The following B3GLCT variants were observed in gnomAD, a reference collection of about 807,000 sequenced individuals.
The protein encoded by B3GLCT is beta-1,3-glucosyltransferase.
A neutral mutation model predicts 63.4 loss-of-function variants in B3GLCT; 65 were observed. That is an observed-to-expected ratio of 1.03 (90% CI 0.84 to 1.26). The LOEUF is 1.26. B3GLCT is among the 50% of genes most tolerant of loss of function. The probability of loss-of-function intolerance (pLI) is 0.00; values close to 1 mark genes in which losing one functional copy is unlikely to be tolerated. For missense variants in B3GLCT, 577 were observed against 604.8 expected (o/e 0.95, Z 0.48); for synonymous variants, 233 against 219.2 (o/e 1.06, Z -0.55).
At chr13:31,207,296 T>TG (rs1335444938) in intron 1 of B3GLCT, among the ~76,000 whole-genome samples, 5 of 152,206 alleles carry the variant, frequency 3.3e-5, no homozygotes, top group South Asian at 2.1e-4. Flanking sequence ...AATTTTTTTT[T>TG]TTTGTTTGAA....
intron 1 of B3GLCT, 42 bp from the exon 2 acceptor site, chr13:31,215,006 TTGC>T (rs1429029475): frequency 6.6e-7 from 1 of 1,517,296 alleles, no homozygotes; most frequent in Admixed American, 1.7e-5. Context: ...TTAACCTGAA[TTGC>T]TAATTCTAAG....
intron 3 of B3GLCT, among the ~76,000 whole-genome samples, chr13:31,226,975 A>G (rs1870134740): frequency 6.6e-6 from 1 of 152,180 alleles, no homozygotes; most frequent in Non-Finnish European, 1.5e-5. Context: ...ATACCTTCAC[A>G]TGCTATGTGT....
chr13:31,308,741 C>T (rs1216913718), intron 12 of B3GLCT, among the ~76,000 whole-genome samples: 1 of 152,196 alleles, frequency 6.6e-6, no homozygotes, highest in Non-Finnish European at 1.5e-5. Context: ...AGTTCCTTTA[C>T]ACCATACCCT....
At chr13:31,317,015 A>G (rs1408595334) in intron 12 of B3GLCT, among the ~76,000 whole-genome samples, 1 of 152,224 alleles carries the variant, frequency 6.6e-6, no homozygotes, top group Non-Finnish European at 1.5e-5. Flanking sequence ...GAGGGAAACG[A>G]GCATGGTTGT....
In B3GLCT at chr13:31,244,918, CTCACCT is replaced by C. The variant is rs1871126956; in HGVS notation, c.271-2103_271-2098del. The stretch of plus-strand genomic sequence containing the variant: ...AGCACCTACTTTGTATTTTTGAGTA[CTCACCT>C]TTGGAGAGTGTTATTAACAAGGCAT... On this transcript the variant is annotated intron_variant, in intron 4 of 14. Transcript: ENST00000343307. Among the ~76,000 whole-genome samples the C allele has an allele frequency of 7.2e-5, 11 of 152,112 alleles. No homozygotes were observed. In the South Asian group the frequency reaches 2.3e-3, roughly 32 times the overall value.
At chr13:31,294,248 T>G (rs1488168697) in intron 12 of B3GLCT, among the ~76,000 whole-genome samples, 1 of 152,226 alleles carries the variant, frequency 6.6e-6, no homozygotes, top group African/African-American at 2.4e-5. Flanking sequence ...TAACATTTTT[T>G]CCTTCATTTC....
intron 3 of B3GLCT, among the ~76,000 whole-genome samples, chr13:31,225,114 C>T (rs1032859158): frequency 6.6e-6 from 1 of 152,176 alleles, no homozygotes; most frequent in African/African-American, 2.4e-5. Context: ...TTTATCTTCC[C>T]CTTTTAGCCT....
At chr13:31,201,245 C>T (rs1480228308) in intron 1 of B3GLCT, among the ~76,000 whole-genome samples, 1 of 152,140 alleles carries the variant, frequency 6.6e-6, no homozygotes, top group East Asian at 1.9e-4. Context: ...CCACCGGAAC[C>T]TTGACAGCCT....
chr13:31,269,063 C>T (rs373706917), intron 7 of B3GLCT, 151 bp from the exon 8 acceptor site: 1 of 611,206 alleles, frequency 1.6e-6, no homozygotes, highest in Non-Finnish European at 2.9e-6. Context: ...TGGGTTTTCA[C>T]AGTCCTTTCC....
intron 12 of B3GLCT, 96 bp from the exon 13 acceptor site, chr13:31,317,470 T>TC: frequency 7.1e-7 from 1 of 1,399,436 alleles, no homozygotes. Flanking sequence ...AGTTTAGTAT[T>TC]ACACAGTATA....
chr13:31,214,946 CT>C, intron 1 of B3GLCT, 104 bp from the exon 2 acceptor site: 1 of 1,126,552 alleles, frequency 8.9e-7, no homozygotes, highest in Non-Finnish European at 1.3e-6. Flanking sequence ...CAAAATATGT[CT>C]TGTTAAAGTA....
intron 3 of B3GLCT, among the ~76,000 whole-genome samples, chr13:31,224,768 A>G (rs1870008847): frequency 6.6e-6 from 1 of 152,016 alleles, no homozygotes; most frequent in Non-Finnish European, 1.5e-5. Flanking sequence ...TTTTTCCTCA[A>G]CTTTAAATCA....
At chr13:31,327,035 T>C (rs1341620793) in intron 14 of B3GLCT, among the ~76,000 whole-genome samples, 1 of 152,218 alleles carries the variant, frequency 6.6e-6, no homozygotes, top group African/African-American at 2.4e-5. Context: ...CCATTGCTTT[T>C]ACAGTAGTCC....
At chr13:31,281,437 G>C (rs890876988) in intron 10 of B3GLCT, among the ~76,000 whole-genome samples, 2 of 152,080 alleles carry the variant, frequency 1.3e-5, no homozygotes, top group Admixed American at 6.6e-5. Flanking sequence ...TTACTTAAAA[G>C]GTGAGGCTTG....
At chr13:31,311,377 C>G (rs1874699067) in intron 12 of B3GLCT, 1 of 152,306 alleles carries the variant, frequency 6.6e-6, no homozygotes, top group Non-Finnish European at 1.5e-5. Flanking sequence ...ATCCTGGATA[C>G]AGCGTTGAAT....
At chr13:31,277,040 G>T (rs1454784354) in intron 10 of B3GLCT, among the ~76,000 whole-genome samples, 5 of 152,192 alleles carry the variant, frequency 3.3e-5, no homozygotes, top group Non-Finnish European at 1.5e-5. Context: ...AAAGCTCAGT[G>T]TGGCAGTCTT....
intron 12 of B3GLCT, among the ~76,000 whole-genome samples, chr13:31,288,679 A>G (rs1461717082): frequency 6.6e-6 from 1 of 152,182 alleles, no homozygotes; most frequent in African/African-American, 2.4e-5. Flanking sequence ...ACCACACTAC[A>G]ACAGCACCAA....
At position 31,330,356 on chromosome 13, in the gene B3GLCT, T is replaced by C. The variant is rs1875854222; in HGVS notation, c.*688T>C. ...AGCTTCGTATTGCTTTGGAAGTTCATCTGTGTTTTATTTCTCCCTGAAGCC... is the reference window on the plus strand; with the variant it reads ...AGCTTCGTATTGCTTTGGAAGTTCACCTGTGTTTTATTTCTCCCTGAAGCC... On this transcript the variant is annotated 3_prime_UTR_variant, in exon 15 of 15. Coordinates refer to ENST00000343307, the MANE Select transcript of B3GLCT (RefSeq NM_194318.4). 6.6e-6 allele frequency: 1 copy of C among 152,244 alleles called. No individual in the cohort carries two copies. Among genetic ancestry groups the C allele is most frequent in the Non-Finnish European group, 1.5e-5 (1 of 68,084 alleles). The allele number at this position is 152,244 out of a possible 1,614,324, so 9.4% of individuals were successfully genotyped here.
intron 12 of B3GLCT, among the ~76,000 whole-genome samples, chr13:31,288,483 T>G (rs1873465486): frequency 6.6e-6 from 1 of 152,210 alleles, no homozygotes; most frequent in African/African-American, 2.4e-5. Flanking sequence ...CAGCATAAGC[T>G]GCTTTAGGGC....
Sources: allele counts gnomAD v4.1 joint callset (sites outside exome capture counted in the v4.1 genomes callset), GRCh38; gene constraint gnomAD v4.1.1; transcripts MANE v1.5; gene names NCBI Gene and HGNC (gene_info 2026-07-23, HGNC 2026-07-21).